Variants in C11orf58 observed in about 807,000 individuals in gnomAD.
C11orf58 encodes small acidic protein.
C11orf58 carries 5 observed loss-of-function variants against 22.7 expected under a neutral mutation model. The ratio of observed to expected loss-of-function variants is 0.22; its 90% CI spans 0.12 to 0.46. The LOEUF is 0.46. C11orf58 is among the 20% of genes least tolerant of loss of function. C11orf58 has a pLI of 0.99. For synonymous variants in C11orf58, 71 were observed against 70.7 expected (o/e 1.00, Z -0.02); for missense variants, 151 against 223.3 (o/e 0.68, Z 2.06).
Position 16,747,878 on chromosome 11 carries a change from T to G in C11orf58, c.148-219T>G, listed in dbSNP as rs561401913. On this transcript the variant is annotated intron_variant, in intron 2 of 4. Transcript: ENST00000228136. ...TCTGTTTTGTTTTAATCACACTTAG[T>G]ACTTTCTAACATAGTATAAATAGTG... is the stretch of plus-strand genomic sequence containing the variant. The G allele has an allele frequency of 7.2e-4, 293 of 407,406 alleles. 1 individual carries two copies. Among genetic ancestry groups the G allele is most frequent in the Admixed American group, 1.6e-3 (38 of 23,478 alleles). 25.2% of individuals were successfully genotyped at this position (407,406 alleles called of 1,614,324 possible). A position where few individuals can be genotyped will look rare whatever the true frequency, so the allele number is the denominator to read the frequency against.
rs1388904931 is a variant in C11orf58 at position 16,757,400 on chromosome 11, T to C, written c.*2296T>C. ...ACTACACTAAAAGACTTTCTTCATCTCCGTATAGAGAAATCCAGATTTCAA... is the reference window on the plus strand; with the variant it reads ...ACTACACTAAAAGACTTTCTTCATCCCCGTATAGAGAAATCCAGATTTCAA... On this transcript the variant is annotated 3_prime_UTR_variant, in exon 5 of 5. Coordinates refer to ENST00000228136, the MANE Select transcript of C11orf58 (RefSeq NM_014267.6). 6.6e-6 allele frequency among the ~76,000 whole-genome samples: 1 copy of C among 152,222 alleles called. No homozygotes were observed. Among genetic ancestry groups the C allele is most frequent in the Non-Finnish European group, 1.5e-5 (1 of 68,036 alleles).
chr11:16,745,427 TA>T (rs1848480278), intron 2 of C11orf58, among the ~76,000 whole-genome samples: 1 of 152,218 alleles, frequency 6.6e-6, no homozygotes. Flanking sequence ...AATTATCAGT[TA>T]ACACATATTT....
intron 1 of C11orf58, among the ~76,000 whole-genome samples, chr11:16,741,420 A>T (rs551764804): frequency 6.6e-6 from 1 of 152,344 alleles, no homozygotes; most frequent in Non-Finnish European, 1.5e-5. Context: ...GAGAAATGAA[A>T]GCTATCTTAT....
At chr11:16,752,981 A>T in intron 4 of C11orf58, 87 bp downstream of exon 4, 1 of 981,668 alleles carries the variant, frequency 1.0e-6, no homozygotes. Flanking sequence ...AGCAATCAAG[A>T]ATCCCATGTA....
In C11orf58 at chr11:16,754,871, G is replaced by A. The variant is rs1564885570; in HGVS notation, c.319G>A (p.Val107Ile). 9.9e-6 allele frequency: 16 copies of A among 1,613,598 alleles called. No homozygotes were observed. The highest frequency in any genetic ancestry group is 2.2e-5 in the East Asian group (1 of 44,868). ...AAGAGCCTGTTGATTGATGTTTTAG[G>A]TAGAAGACCATGATGGAGAAGGTGA... ...RRHCGLGFSE[V>I]EDHDGEGDVA... The change falls in exon 5 of 5, where the codon GTA (valine) becomes ATA (isoleucine). Residue 107 changes from valine (V) to isoleucine (I), a missense_variant and splice_region_variant. By Grantham distance (29) the Val-to-Ile change is conservative. This residue lies in a region of C11orf58 where 112 missense variants were observed against 162.6 expected (regional missense o/e 0.69). Coordinates refer to ENST00000228136, the MANE Select transcript of C11orf58 (RefSeq NM_014267.6).
In C11orf58 at chr11:16,755,367, C is replaced by G; in HGVS notation, c.*263C>G. ...CTTTCATATTAGCATCATCAACCCT[C>G]TAATTCACCTTATGGGGGAAATGCT... On this transcript the variant is annotated 3_prime_UTR_variant, in exon 5 of 5. Transcript: ENST00000228136. 3.8e-6 allele frequency: 1 copy of G among 265,878 alleles called. No individual in the cohort carries two copies. The highest frequency in any genetic ancestry group is 7.1e-6 in the Non-Finnish European group (1 of 140,606). 16.5% of individuals were successfully genotyped at this position (265,878 alleles called of 1,614,324 possible). A position where few individuals can be genotyped will look rare whatever the true frequency, so the allele number is the denominator to read the frequency against.
rs188844119 is a variant in C11orf58 at position 16,757,612 on chromosome 11, C to T, written c.*2508C>T. Among the ~76,000 whole-genome samples, 1 of 152,246 alleles carries T rather than the reference C, an allele frequency of 6.6e-6. No homozygotes were observed. The highest frequency in any genetic ancestry group is 1.5e-5 in the Non-Finnish European group (1 of 68,022). On this transcript the variant is annotated 3_prime_UTR_variant, in exon 5 of 5. Transcript: ENST00000228136. ...ATGTCATGCTGTCTTGGTATCCATA[C>T]TAAAAAAGTATCAGGAAAATAGATT...
chr11:16,755,799 A>G lies in C11orf58; in HGVS notation c.*695A>G, dbSNP rs1041403988. ...ATTCTCTGATCATTTAGTTCTGTCTATTTAGAAATATGTAAAACTGGATTT... is the reference window on the plus strand; with the variant it reads ...ATTCTCTGATCATTTAGTTCTGTCTGTTTAGAAATATGTAAAACTGGATTT... On this transcript the variant is annotated 3_prime_UTR_variant, in exon 5 of 5. Coordinates refer to ENST00000228136, the MANE Select transcript of C11orf58 (RefSeq NM_014267.6). 1 of 152,600 alleles carries G rather than the reference A, an allele frequency of 6.6e-6. No homozygotes were observed. The highest frequency in any genetic ancestry group is 2.4e-5 in the African/African-American group (1 of 41,452). 9.5% of individuals were successfully genotyped at this position (152,600 alleles called of 1,614,324 possible).
At chr11:16,742,785 G>A (rs948677900) in intron 1 of C11orf58, among the ~76,000 whole-genome samples, 4 of 152,056 alleles carry the variant, frequency 2.6e-5, no homozygotes, top group Non-Finnish European at 4.4e-5. Context: ...ATAGCAAACC[G>A]AAATTTATAT....
intron 4 of C11orf58, among the ~76,000 whole-genome samples, 186 bp from the exon 5 acceptor site, chr11:16,754,685 C>CACAG (rs1848561305): frequency 6.7e-6 from 1 of 150,138 alleles, no homozygotes; most frequent in Non-Finnish European, 1.5e-5. Flanking sequence ...GAATCCCAGC[C>CACAG]ACAGGTATGA....
intron 4 of C11orf58, among the ~76,000 whole-genome samples, chr11:16,754,544 T>C (rs1454429840): frequency 1.5e-4 from 16 of 103,664 alleles, no homozygotes; most frequent in Non-Finnish European, 2.5e-4. Context: ...TCTCTCTCTC[T>C]CCCTTTTTTT....
intron 4 of C11orf58, 51 bp downstream of exon 4, chr11:16,752,945 A>G (rs780772740): frequency 2.4e-5 from 34 of 1,394,488 alleles, no homozygotes; most frequent in Non-Finnish European, 2.9e-5. Flanking sequence ...TCAATTTGGT[A>G]CCATTTATTG....
chr11:16,739,743 C>T (rs1848430222), intron 1 of C11orf58, among the ~76,000 whole-genome samples: 1 of 152,072 alleles, frequency 6.6e-6, no homozygotes, highest in South Asian at 2.1e-4. Context: ...TTGGAGAGAG[C>T]GCGGAGAGGT....
At chr11:16,754,830 T>C (rs373799479) in intron 4 of C11orf58, 41 bp from the exon 5 acceptor site, 18 of 1,606,514 alleles carry the variant, frequency 1.1e-5, no homozygotes, top group Middle Eastern at 3.3e-4. Flanking sequence ...TTGTATGGGC[T>C]AATGTTTATT....
chr11:16,755,820 GA>G lies in C11orf58; in HGVS notation c.*717del, dbSNP rs1848572606. The G allele has an allele frequency of 6.6e-6, 1 of 152,448 alleles. No individual in the cohort carries two copies. The highest frequency in any genetic ancestry group is 1.5e-5 in the Non-Finnish European group (1 of 68,006). 9.4% of individuals were successfully genotyped at this position (152,448 alleles called of 1,614,324 possible). The stretch of plus-strand genomic sequence containing the variant: ...GTCTATTTAGAAATATGTAAAACTG[GA>G]TTTTTTTTTAAGTAATATGTGACCA... On this transcript the variant is annotated 3_prime_UTR_variant, in exon 5 of 5. Coordinates refer to ENST00000228136, the MANE Select transcript of C11orf58 (RefSeq NM_014267.6).
chr11:16,748,436 TA>T (rs796378286), intron 3 of C11orf58: 4,484 of 173,992 alleles, frequency 0.026, 25 homozygotes, highest in African/African-American at 0.042. Context: ...CTCTTAAATT[TA>T]AAAAAAAAAA....
In C11orf58 at chr11:16,748,224, T is replaced by C. The variant is rs1196485372; in HGVS notation, c.208+67T>C. On this transcript the variant is annotated intron_variant, in intron 3 of 4. Coordinates refer to ENST00000228136, the MANE Select transcript of C11orf58 (RefSeq NM_014267.6). ...AGAATATGAAGTATGTGTTCATGTT[T>C]CAGGATATTCTACTTTGGCATGTAA... 3.0e-5 allele frequency: 40 copies of C among 1,316,044 alleles called. No individual in the cohort carries two copies. The South Asian group carries it at 4.5e-4, about 15-fold the overall frequency. 81.5% of individuals were successfully genotyped at this position (1,316,044 alleles called of 1,614,324 possible). A position where few individuals can be genotyped will look rare whatever the true frequency, so the allele number is the denominator to read the frequency against.
chr11:16,751,059 G>A (rs1050843820), intron 3 of C11orf58: 2 of 152,304 alleles, frequency 1.3e-5, no homozygotes, highest in South Asian at 2.1e-4. Context: ...CAGAGCACAC[G>A]TCTTCTCTTA....
chr11:16,756,656 C>G lies in C11orf58; in HGVS notation c.*1552C>G, dbSNP rs1848580187. 6.6e-6 allele frequency among the ~76,000 whole-genome samples: 1 copy of G among 151,520 alleles called. No individual in the cohort carries two copies. The highest frequency in any genetic ancestry group is 2.4e-5 in the African/African-American group (1 of 41,258). On this transcript the variant is annotated 3_prime_UTR_variant, in exon 5 of 5. Coordinates refer to ENST00000228136, the MANE Select transcript of C11orf58 (RefSeq NM_014267.6). Reference sequence around the variant, plus strand: ...ATGTGCGGTGGCTCACACCTATAATCCCAGCACTTTGGGAGGCCGAGGTGG... The same window carrying G: ...ATGTGCGGTGGCTCACACCTATAATGCCAGCACTTTGGGAGGCCGAGGTGG...
Sources: gnomAD v4.1 joint callset for allele counts (sites outside exome capture counted in the v4.1 genomes callset) on GRCh38, gnomAD v4.1.1 for gene constraint, gnomAD v4.1.1 regional missense constraint, MANE v1.5 for transcripts, NCBI Gene and HGNC (gene_info 2026-07-23, HGNC 2026-07-21) for gene names.